Variants in RFX6 observed in about 807,000 individuals in gnomAD.
RFX6 encodes the protein regulatory factor X6.
RFX6 carries 50 observed loss-of-function variants against 110.8 expected under a neutral mutation model. The observed-to-expected ratio is 0.45, with a 90% CI of 0.36 to 0.57. The LOEUF is 0.57. RFX6 is among the 20% of genes least tolerant of loss of function. The probability of loss-of-function intolerance (pLI) is 0.00; values close to 1 mark genes in which losing one functional copy is unlikely to be tolerated. For missense variants in RFX6, 990 were observed against 1,127.0 expected (o/e 0.88, Z 1.74); for synonymous variants, 383 against 411.2 (o/e 0.93, Z 0.83).
At chr6:116,927,591 A>T in intron 17 of RFX6, 52 bp downstream of exon 17, 1 of 1,464,808 alleles carries the variant, frequency 6.8e-7, no homozygotes, top group Non-Finnish European at 9.5e-7. Context: ...CAATGAGGCA[A>T]AATCAGACAT....
Position 116,927,133 on chromosome 6 carries a change from G to T in RFX6, c.1992G>T (p.Arg664Ser), listed in dbSNP as rs2114703852. Reference protein sequence around the residue: ...SVINQGPMAGRPPSVGPVLSA... With the variant: ...SVINQGPMAGSPPSVGPVLSA... ...TTAACCAAGGACCAATGGCAGGGAGGCCCCCAAGTGTGGGCCCAGTACTGT... is the reference window on the plus strand; with the variant it reads ...TTAACCAAGGACCAATGGCAGGGAGTCCCCCAAGTGTGGGCCCAGTACTGT... Residue 664 changes from arginine to serine, a missense_variant, in exon 17 of 19, where the codon AGG becomes AGT. This residue lies in a region of RFX6 where 438 missense variants were observed against 441.9 expected (regional missense o/e 0.99). Coordinates refer to ENST00000332958, the MANE Select transcript of RFX6 (RefSeq NM_173560.4). The T allele has an allele frequency of 1.9e-6, 3 of 1,614,098 alleles. No homozygotes were observed. The highest frequency in any genetic ancestry group is 2.5e-6 in the Non-Finnish European group (3 of 1,180,010).
chr6:116,914,544 T>C (rs980028584), intron 7 of RFX6, among the ~76,000 whole-genome samples: 2 of 152,228 alleles, frequency 1.3e-5, no homozygotes, highest in Non-Finnish European at 2.9e-5. Context: ...GAAAATATAA[T>C]AGCATTGCCT....
At chr6:116,889,819 A>T (rs1774781347) in intron 4 of RFX6, among the ~76,000 whole-genome samples, 1 of 152,094 alleles carries the variant, frequency 6.6e-6, no homozygotes. Context: ...AAATCTCTTA[A>T]TTGGCAAATG....
At chr6:116,900,390 GA>G (rs1392086095) in intron 6 of RFX6, among the ~76,000 whole-genome samples, 2 of 152,000 alleles carry the variant, frequency 1.3e-5, no homozygotes, top group African/African-American at 4.8e-5. Flanking sequence ...GAGTAGCTGG[GA>G]TTACAGGCGT....
intron 6 of RFX6, among the ~76,000 whole-genome samples, chr6:116,906,784 A>C (rs1775211469): frequency 6.6e-6 from 1 of 150,702 alleles, no homozygotes; most frequent in African/African-American, 2.4e-5. Context: ...AGGGGTTTCT[A>C]CATATAAGAT....
chr6:116,910,762 A>G (rs1231098708), intron 6 of RFX6, among the ~76,000 whole-genome samples, 173 bp from the exon 7 acceptor site: 3 of 152,192 alleles, frequency 2.0e-5, no homozygotes, highest in Admixed American at 2.0e-4. Flanking sequence ...TTTGGCTGAC[A>G]TGTCTCGTTT....
chr6:116,903,282 GA>G (rs1465369540), intron 6 of RFX6, among the ~76,000 whole-genome samples: 1 of 151,864 alleles, frequency 6.6e-6, no homozygotes, highest in African/African-American at 2.4e-5. Flanking sequence ...GCCCCTTCTT[GA>G]TGTTGCACAT....
chr6:116,908,177 G>C (rs1775248930), intron 6 of RFX6, among the ~76,000 whole-genome samples: 1 of 151,928 alleles, frequency 6.6e-6, no homozygotes, highest in Non-Finnish European at 1.5e-5. Context: ...CTAGCATCTT[G>C]TAACCACTAT....
At chr6:116,922,535 G>C (rs1238439463) in intron 13 of RFX6, among the ~76,000 whole-genome samples, 1 of 152,102 alleles carries the variant, frequency 6.6e-6, no homozygotes, top group African/African-American at 2.4e-5. Context: ...CTAAGCATTT[G>C]CATTTCTGAA....
intron 6 of RFX6, among the ~76,000 whole-genome samples, chr6:116,902,017 TG>T (rs1775086660): frequency 6.6e-6 from 1 of 152,076 alleles, no homozygotes; most frequent in African/African-American, 2.4e-5. Context: ...TATGAGCGAA[TG>T]AATGATAGTT....
chr6:116,880,871 T>G (rs1774576468), intron 3 of RFX6, among the ~76,000 whole-genome samples: 1 of 152,058 alleles, frequency 6.6e-6, no homozygotes, highest in Admixed American at 6.6e-5. Context: ...TATTAGAAGA[T>G]CTAATGTGAA....
At chr6:116,901,460 A>T (rs555936700) in intron 6 of RFX6, among the ~76,000 whole-genome samples, 25 of 152,328 alleles carry the variant, frequency 1.6e-4, no homozygotes, top group Non-Finnish European at 3.4e-4. Context: ...ATTGGACAGC[A>T]CTGTTCTAGA....
chr6:116,884,215 T>C (rs1390085098), intron 4 of RFX6, among the ~76,000 whole-genome samples: 4 of 152,164 alleles, frequency 2.6e-5, no homozygotes, highest in Admixed American at 1.3e-4. Context: ...TTTTAGTCCA[T>C]TGATTTATTG....
intron 6 of RFX6, among the ~76,000 whole-genome samples, chr6:116,899,224 G>A (rs553292752): frequency 6.6e-5 from 10 of 152,208 alleles, no homozygotes; most frequent in Non-Finnish European, 1.2e-4. Flanking sequence ...GACATACCAT[G>A]TGCCTGGATA....
At chr6:116,927,990 C>G (rs1775786315) in intron 17 of RFX6, among the ~76,000 whole-genome samples, 1 of 151,644 alleles carries the variant, frequency 6.6e-6, no homozygotes, top group Non-Finnish European at 1.5e-5. Flanking sequence ...GCAATCCTCT[C>G]TCCTTGGCTT....
At chr6:116,878,948 A>T (rs1269877983) in intron 2 of RFX6, among the ~76,000 whole-genome samples, 3 of 151,956 alleles carry the variant, frequency 2.0e-5, no homozygotes, top group Non-Finnish European at 4.4e-5. Flanking sequence ...TTGGAGTTTA[A>T]CTATTGAAGT....
rs142720027 is a variant in RFX6, at chr6:116,894,123, C to G, written c.644+59C>G. 2.8e-4 allele frequency: 250 copies of G among 903,730 alleles called. No individual in the cohort carries two copies. The African/African-American group carries it at 3.8e-3, about 14-fold the overall frequency. 56.0% of individuals were successfully genotyped at this position (903,730 alleles called of 1,614,324 possible). A position where few individuals can be genotyped will look rare whatever the true frequency, so the allele number is the denominator to read the frequency against. On this transcript the variant is annotated intron_variant, in intron 5 of 18. Coordinates refer to ENST00000332958, the MANE Select transcript of RFX6 (RefSeq NM_173560.4). The stretch of plus-strand genomic sequence containing the variant: ...GTGTTTCTTTAAATATGCATGATAC[C>G]TATTGAATAAAATGATTTCTTAATT...
In RFX6 at chr6:116,920,333, C is replaced by T. The variant is rs1775565812; in HGVS notation, c.1206C>T (p.Asp402=). 6.2e-7 allele frequency: 1 copy of T among 1,611,652 alleles called. No individual in the cohort carries two copies. The change falls in exon 12 of 19, where the codon GAC becomes GAT. Residue 402 remains aspartate (D), a synonymous_variant. Coordinates refer to ENST00000332958, the MANE Select transcript of RFX6 (RefSeq NM_173560.4). Reference sequence around the variant, plus strand: ...AGATTGCCAGACCAGCTCTCTTTGACCAGCATGTCGTTAATTCTATGGTGT... The same window carrying T: ...AGATTGCCAGACCAGCTCTCTTTGATCAGCATGTCGTTAATTCTATGGTGT... ...LAQIARPALF[D]QHVVNSMVSD...
chr6:116,899,625 T>A (rs1775023788), intron 6 of RFX6, among the ~76,000 whole-genome samples: 1 of 152,158 alleles, frequency 6.6e-6, no homozygotes, highest in African/African-American at 2.4e-5. Context: ...AATAAAATTA[T>A]TCAGGAGGTG....
Sources: gnomAD v4.1 joint callset for allele counts (sites outside exome capture counted in the v4.1 genomes callset) on GRCh38, gnomAD v4.1.1 for gene constraint, gnomAD v4.1.1 regional missense constraint, MANE v1.5 for transcripts, NCBI Gene and HGNC (gene_info 2026-07-23, HGNC 2026-07-21) for gene names.